Variants in ENPP2 observed in about 807,000 individuals in gnomAD.
ENPP2 encodes autotaxin.
In ENPP2, 51 loss-of-function variants were observed where a neutral mutation model predicts 120.2. That is an observed-to-expected ratio of 0.42 (90% CI 0.34 to 0.54). The LOEUF (loss-of-function observed/expected upper bound fraction) is 0.54, where lower values mean the gene tolerates loss of function less well. ENPP2 is among the 20% of genes least tolerant of loss of function. ENPP2 has a pLI of 0.04. For synonymous variants in ENPP2, 365 were observed against 366.4 expected (o/e 1.00, Z 0.04); for missense variants, 920 against 1,066.5 (o/e 0.86, Z 1.91).
At chr8:119,616,045 CAGAT>C (rs1346443846) in intron 8 of ENPP2, among the ~76,000 whole-genome samples, 1 of 151,192 alleles carries the variant, frequency 6.6e-6, no homozygotes, top group Non-Finnish European at 1.5e-5. Flanking sequence ...ATACATATAT[CAGAT>C]ATATAATGCA....
chr8:119,664,288 G>A (rs1323256390), intron 1 of ENPP2, among the ~76,000 whole-genome samples: 1 of 152,186 alleles, frequency 6.6e-6, no homozygotes, highest in Non-Finnish European at 1.5e-5. Flanking sequence ...TTTCGCATCA[G>A]GAGATCCATG....
intron 2 of ENPP2, among the ~76,000 whole-genome samples, chr8:119,636,347 G>A (rs11775064): frequency 0.023 from 3,451 of 152,256 alleles, 64 homozygotes; most frequent in Middle Eastern, 0.085. Context: ...TTATTCAGGA[G>A]AAATCAACCA....
At chr8:119,558,530 A>T (rs1813657166) in intron 24 of ENPP2, among the ~76,000 whole-genome samples, 1 of 152,120 alleles carries the variant, frequency 6.6e-6, no homozygotes, top group South Asian at 2.1e-4. Flanking sequence ...CAGATGAAAG[A>T]CATTCAGATG....
intron 1 of ENPP2, among the ~76,000 whole-genome samples, chr8:119,657,365 C>A (rs1817796784): frequency 6.6e-6 from 1 of 152,204 alleles, no homozygotes; most frequent in Non-Finnish European, 1.5e-5. Flanking sequence ...CCATACCATG[C>A]CTCCTCTATT....
intron 1 of ENPP2, among the ~76,000 whole-genome samples, chr8:119,662,664 G>C (rs1049057217): frequency 9.9e-5 from 15 of 152,166 alleles, no homozygotes; most frequent in African/African-American, 3.4e-4. Flanking sequence ...CTTTGCAAGT[G>C]TGAAACAAAA....
At chr8:119,628,775 T>TGA (rs1455740500) in intron 2 of ENPP2, among the ~76,000 whole-genome samples, 2 of 151,458 alleles carry the variant, frequency 1.3e-5, no homozygotes. Flanking sequence ...TAGAGACGAG[T>TGA]GAGAGACAGG....
At chr8:119,644,587 A>AATATATATATATATATATAT (rs33966650) in intron 1 of ENPP2, among the ~76,000 whole-genome samples, 25 of 59,958 alleles carry the variant, frequency 4.2e-4, no homozygotes, top group South Asian at 1.9e-3. Flanking sequence ...AGATTACTAA[A>AATATATATATATATATATAT]ATATATATAT....
intron 11 of ENPP2, among the ~76,000 whole-genome samples, chr8:119,598,296 T>C (rs1362328665): frequency 1.3e-5 from 2 of 152,184 alleles, no homozygotes; most frequent in South Asian, 2.1e-4. Context: ...ACTGAAGATA[T>C]ACTCCAAGAT....
At chr8:119,589,285 G>A (rs2130413749) in intron 13 of ENPP2, among the ~76,000 whole-genome samples, 1 of 152,296 alleles carries the variant, frequency 6.6e-6, no homozygotes, top group South Asian at 2.1e-4. Flanking sequence ...GCTGAGATAT[G>A]AACCCAGACA....
chr8:119,618,401 C>T (rs1815629232), intron 5 of ENPP2: 5 of 462,022 alleles, frequency 1.1e-5, no homozygotes, highest in South Asian at 6.1e-5. Flanking sequence ...CACCTGTTTG[C>T]CTCCCTTTTC....
chr8:119,577,959 T>A (rs1013166682), intron 19 of ENPP2, among the ~76,000 whole-genome samples: 3 of 152,236 alleles, frequency 2.0e-5, no homozygotes, highest in African/African-American at 7.2e-5. Context: ...CTATAGCTCC[T>A]TATAGCCCTG....
chr8:119,583,651 A>G, intron 17 of ENPP2, 66 bp downstream of exon 17: 3 of 881,102 alleles, frequency 3.4e-6, no homozygotes, highest in East Asian at 2.5e-5. Flanking sequence ...TTTCTCTGAC[A>G]TTGAGAAAGA....
intron 12 of ENPP2, among the ~76,000 whole-genome samples, chr8:119,591,105 A>G (rs1813477832): frequency 6.6e-6 from 1 of 151,532 alleles, no homozygotes; most frequent in Admixed American, 6.6e-5. Flanking sequence ...TCATTTTCCA[A>G]CTCTCTAATA....
chr8:119,638,361 A>G, intron 2 of ENPP2, 64 bp downstream of exon 2: 1 of 812,914 alleles, frequency 1.2e-6, no homozygotes. Context: ...TAATAAGCTT[A>G]CATTGATTAC....
chr8:119,603,024 T>C (rs562438450), intron 9 of ENPP2, among the ~76,000 whole-genome samples: 2 of 152,214 alleles, frequency 1.3e-5, no homozygotes, highest in African/African-American at 4.8e-5. Context: ...GACCAGAAAA[T>C]CATGTGTGCC....
intron 1 of ENPP2, among the ~76,000 whole-genome samples, chr8:119,656,214 C>CT (rs1173665098): frequency 6.6e-6 from 1 of 152,128 alleles, no homozygotes; most frequent in Non-Finnish European, 1.5e-5. Context: ...AGCTATTTCC[C>CT]TTTCCTCCTA....
At chr8:119,607,784 G>C (rs1814826400) in intron 9 of ENPP2, 138 bp downstream of exon 9, 1 of 606,860 alleles carries the variant, frequency 1.6e-6, no homozygotes. Flanking sequence ...ACACCTGGAA[G>C]GTTATTTTGA....
At chr8:119,600,517 A>G (rs1814221556) in intron 11 of ENPP2, among the ~76,000 whole-genome samples, 161 bp downstream of exon 11, 1 of 152,242 alleles carries the variant, frequency 6.6e-6, no homozygotes, top group East Asian at 1.9e-4. Context: ...AGGTCGTTTT[A>G]AGATTTTTTA....
At chr8:119,643,876 G>T (rs1454936572) in intron 1 of ENPP2, among the ~76,000 whole-genome samples, 1 of 152,220 alleles carries the variant, frequency 6.6e-6, no homozygotes, top group Non-Finnish European at 1.5e-5. Flanking sequence ...GGAAGGGTGT[G>T]TGGGAGTGAG....
Sources: gnomAD v4.1 joint callset for allele counts (sites outside exome capture counted in the v4.1 genomes callset) on GRCh38, gnomAD v4.1.1 for gene constraint, MANE v1.5 for transcripts, NCBI Gene and HGNC (gene_info 2026-07-23, HGNC 2026-07-21) for gene names.